The following CADM2 variants were observed in gnomAD, a reference collection of about 807,000 sequenced individuals.
The protein encoded by CADM2 is cell adhesion molecule 2.
Under a neutral mutation model 49.8 loss-of-function variants are expected in CADM2, and 12 were observed. That is an observed-to-expected ratio of 0.24 (90% CI 0.15 to 0.39). The LOEUF (loss-of-function observed/expected upper bound fraction) is 0.39. CADM2 is among the 10% of genes least tolerant of loss of function. The pLI is 1.00. For missense variants in CADM2, 378 were observed against 492.3 expected (o/e 0.77, Z 2.20); for synonymous variants, 214 against 175.4 (o/e 1.22, Z -1.74).
intron 1 of CADM2, among the ~76,000 whole-genome samples, chr3:85,277,406 T>A (rs924411959): frequency 4.0e-5 from 6 of 151,346 alleles, no homozygotes; most frequent in Non-Finnish European, 8.9e-5. Flanking sequence ...TTTTAAGTTC[T>A]TTAGAAGGTT....
chr3:85,163,115 A>G (rs2040377226), intron 1 of CADM2, among the ~76,000 whole-genome samples: 1 of 152,068 alleles, frequency 6.6e-6, no homozygotes, highest in South Asian at 2.1e-4. Context: ...TACATGTCAT[A>G]TTCAATTATA....
intron 3 of CADM2, among the ~76,000 whole-genome samples, chr3:85,870,365 T>C (rs2075881883): frequency 6.6e-6 from 1 of 152,094 alleles, no homozygotes; most frequent in Non-Finnish European, 1.5e-5. Context: ...GTCTTGAGCC[T>C]AGCACCCACT....
At chr3:85,895,237 G>T (rs187548855) in intron 5 of CADM2, among the ~76,000 whole-genome samples, 200 of 152,322 alleles carry the variant, frequency 1.3e-3, no homozygotes, top group South Asian at 2.3e-3. Flanking sequence ...AGTGTGACCT[G>T]GATGTGGGAG....
At chr3:85,579,386 A>G (rs2062729338) in intron 1 of CADM2, among the ~76,000 whole-genome samples, 1 of 152,106 alleles carries the variant, frequency 6.6e-6, no homozygotes, top group African/African-American at 2.4e-5. Context: ...TGCCTAGTTT[A>G]CGACCTAACC....
chr3:85,285,634 C>G (rs1419033094), intron 1 of CADM2, among the ~76,000 whole-genome samples: 1 of 151,940 alleles, frequency 6.6e-6, no homozygotes, highest in Non-Finnish European at 1.5e-5. Context: ...TGAATAAAGT[C>G]TTTTTCTCCT....
intron 3 of CADM2, among the ~76,000 whole-genome samples, chr3:85,843,538 T>G (rs1042981974): frequency 6.6e-6 from 1 of 152,130 alleles, no homozygotes; most frequent in African/African-American, 2.4e-5. Flanking sequence ...ATACAAATTT[T>G]TTCTCAAATA....
intron 1 of CADM2, among the ~76,000 whole-genome samples, chr3:85,106,639 C>T (rs914413286): frequency 7.9e-5 from 12 of 152,072 alleles, no homozygotes; most frequent in Non-Finnish European, 1.5e-5. Flanking sequence ...TAAACAGGAA[C>T]TAATAATTTT....
chr3:85,220,277 AT>A (rs1373783644), intron 1 of CADM2, among the ~76,000 whole-genome samples: 13 of 152,034 alleles, frequency 8.6e-5, no homozygotes, highest in Admixed American at 8.5e-4. Flanking sequence ...ATTAATTCCA[AT>A]TTTGATGGTG....
intron 3 of CADM2, among the ~76,000 whole-genome samples, chr3:85,846,838 C>T (rs571667190): frequency 2.4e-4 from 36 of 152,124 alleles, no homozygotes; most frequent in Non-Finnish European, 4.3e-4. Flanking sequence ...CTCCAGTCTG[C>T]GTGACAGAGT....
At chr3:85,672,389 T>C (rs1245371891) in intron 1 of CADM2, among the ~76,000 whole-genome samples, 1 of 152,024 alleles carries the variant, frequency 6.6e-6, no homozygotes, top group Non-Finnish European at 1.5e-5. Context: ...AGACGGGGTT[T>C]CACCGTGTTA....
intron 1 of CADM2, among the ~76,000 whole-genome samples, chr3:85,502,043 G>C (rs2107666725): frequency 6.6e-6 from 1 of 152,226 alleles, no homozygotes; most frequent in South Asian, 2.1e-4. Context: ...AAAAGAATGA[G>C]AGAGTAGTGA....
chr3:85,288,168 C>G (rs1024205442), intron 1 of CADM2, among the ~76,000 whole-genome samples: 1 of 152,058 alleles, frequency 6.6e-6, no homozygotes, highest in Non-Finnish European at 1.5e-5. Flanking sequence ...AGCACATAAA[C>G]TTTCTGAACT....
chr3:86,028,236 A>AC (rs1027824337), intron 8 of CADM2, among the ~76,000 whole-genome samples: 1 of 151,944 alleles, frequency 6.6e-6, no homozygotes, highest in African/African-American at 2.4e-5. Context: ...AAAAAAAAAA[A>AC]AGAAAATTCT....
chr3:85,627,200 C>G (rs1170006414), intron 1 of CADM2, among the ~76,000 whole-genome samples: 2 of 151,822 alleles, frequency 1.3e-5, no homozygotes, highest in Non-Finnish European at 2.9e-5. Flanking sequence ...AACGACCTTC[C>G]TTTTACTGAA....
chr3:85,446,634 T>C (rs1437349522), intron 1 of CADM2, among the ~76,000 whole-genome samples: 6 of 142,998 alleles, frequency 4.2e-5, no homozygotes, highest in African/African-American at 1.5e-4. Context: ...CGGAGTTTCA[T>C]TCTTGTTGCC....
intron 1 of CADM2, among the ~76,000 whole-genome samples, chr3:85,078,063 C>A (rs913516729): frequency 6.6e-6 from 1 of 151,862 alleles, no homozygotes; most frequent in Admixed American, 6.6e-5. Context: ...TTAAATTATA[C>A]GTGGAATGTA....
Position 85,786,290 on chromosome 3 carries a change from TCA to T in CADM2, c.89-15756_89-15755del, listed in dbSNP as rs372361573. 8.7e-3 allele frequency among the ~76,000 whole-genome samples: 1,319 copies of T among 152,230 alleles called. 15 individuals are homozygous for T. Among genetic ancestry groups the T allele is most frequent in the Middle Eastern group, 0.041 (12 of 294 alleles). On this transcript the variant is annotated intron_variant, in intron 2 of 9. Transcript: ENST00000383699. ...AAGGATACAAAAAAAGTATTAATTC[TCA>T]GTTTGCTTTATCAGAAGTATAATTT...
intron 8 of CADM2, among the ~76,000 whole-genome samples, chr3:85,989,417 C>G (rs963121645): frequency 2.0e-5 from 3 of 152,080 alleles, no homozygotes; most frequent in Admixed American, 6.6e-5. Context: ...CTCAAGAAAA[C>G]GAGGACACTG....
At chr3:85,164,669 T>TG (rs2040421733) in intron 1 of CADM2, among the ~76,000 whole-genome samples, 2 of 152,014 alleles carry the variant, frequency 1.3e-5, no homozygotes, top group Admixed American at 1.3e-4. Flanking sequence ...TCTCTGCAAT[T>TG]GCTGTGTTTC....
Sources: gnomAD v4.1 joint callset for allele counts (sites outside exome capture counted in the v4.1 genomes callset) on GRCh38, gnomAD v4.1.1 for gene constraint, MANE v1.5 for transcripts, NCBI Gene and HGNC (gene_info 2026-07-23, HGNC 2026-07-21) for gene names.